Variants in SMOC2 observed in about 807,000 individuals in gnomAD.
SMOC2 encodes the protein SPARC related modular calcium binding 2.
A neutral mutation model predicts 61.4 loss-of-function variants in SMOC2; 39 were observed. The ratio of observed to expected loss-of-function variants is 0.64; its 90% CI spans 0.49 to 0.83. The LOEUF (loss-of-function observed/expected upper bound fraction) is 0.83, where lower values mean the gene tolerates loss of function less well. Ranked by LOEUF, SMOC2 falls within the 40% of genes least tolerant of loss-of-function variation. The pLI is 0.00. For missense variants in SMOC2, 556 were observed against 592.9 expected (o/e 0.94, Z 0.65); for synonymous variants, 247 against 239.9 (o/e 1.03, Z -0.27).
intron 9 of SMOC2, among the ~76,000 whole-genome samples, chr6:168,628,902 G>A (rs1390013900): frequency 5.3e-5 from 8 of 152,236 alleles, no homozygotes; most frequent in South Asian, 2.1e-4. Flanking sequence ...ACCTTGGGCC[G>A]GTCACGGAGG....
chr6:168,574,761 G>A (rs1321601271), intron 7 of SMOC2, among the ~76,000 whole-genome samples: 2 of 152,100 alleles, frequency 1.3e-5, no homozygotes, highest in South Asian at 4.1e-4. Context: ...CCTGAAGACC[G>A]GCACATTCCA....
intron 7 of SMOC2, among the ~76,000 whole-genome samples, chr6:168,552,686 A>G (rs1784154621): frequency 6.6e-6 from 1 of 152,214 alleles, no homozygotes. Flanking sequence ...AAAATAAAAT[A>G]CTTCTCTGAA....
rs756180493 is a variant in SMOC2 at position 168,549,121 on chromosome 6, G to A, written c.563-8G>A. 1 of 1,612,786 alleles carries A rather than the reference G, an allele frequency of 6.2e-7. No individual in the cohort carries two copies. Among genetic ancestry groups the A allele is most frequent in the Non-Finnish European group, 8.5e-7 (1 of 1,178,932 alleles). On this transcript the variant is annotated splice_polypyrimidine_tract_variant and splice_region_variant and intron_variant, in intron 6 of 12. Transcript: ENST00000356284. ...TAAAGATGCTTGTCATTTCATTTTG[G>A]TTCATAGATATTGCATCACGTTACC... is the stretch of plus-strand genomic sequence containing the variant.
chr6:168,444,408 T>C lies in SMOC2; in HGVS notation c.84+2954T>C, dbSNP rs1781287285. On this transcript the variant is annotated intron_variant, in intron 1 of 12. Coordinates refer to ENST00000356284, the MANE Select transcript of SMOC2 (RefSeq NM_001166412.2). ...GCTGGTGTGCTCACCTCTGCTACTT[T>C]ATGTTTAAGATTCAGAGAATCCACT... 2.6e-5 allele frequency among the ~76,000 whole-genome samples: 4 copies of C among 152,212 alleles called. No individual in the cohort carries two copies. The South Asian group carries it at 8.3e-4, about 32-fold the overall frequency.
intron 7 of SMOC2, among the ~76,000 whole-genome samples, chr6:168,551,851 G>T (rs941696279): frequency 6.6e-6 from 1 of 152,216 alleles, no homozygotes; most frequent in Non-Finnish European, 1.5e-5. Flanking sequence ...GCATTTCTGT[G>T]TCTCACCTCT....
At chr6:168,458,278 G>T (rs550299876) in intron 1 of SMOC2, among the ~76,000 whole-genome samples, 1 of 151,956 alleles carries the variant, frequency 6.6e-6, no homozygotes, top group African/African-American at 2.4e-5. Flanking sequence ...CCTGCCCTGG[G>T]GGTCCTGGGA....
rs112170480 is a variant in SMOC2 at position 168,626,243 on chromosome 6, G to A, written c.907+18004G>A. On this transcript the variant is annotated intron_variant, in intron 9 of 12. Transcript: ENST00000356284. The stretch of plus-strand genomic sequence containing the variant: ...ACTCCTCGCACAGACTCAAGTCCGC[G>A]CCCCCGTTTCTGCTCCCTGTGCAGA... Among the ~76,000 whole-genome samples, 133 of 152,286 alleles carry A rather than the reference G, an allele frequency of 8.7e-4. 1 individual carries two copies. Among genetic ancestry groups the A allele is most frequent in the African/African-American group, 1.2e-3 (50 of 41,560 alleles).
chr6:168,664,216 TCCAAGAAA>T, intron 12 of SMOC2, 105 bp downstream of exon 12: 1 of 858,922 alleles, frequency 1.2e-6, no homozygotes, highest in Non-Finnish European at 1.8e-6. Flanking sequence ...TCCAAGAAAA[TCCAAGAAA>T]ATAAATAATT....
chr6:168,543,036 A>G (rs1783907513), intron 4 of SMOC2, among the ~76,000 whole-genome samples: 1 of 152,190 alleles, frequency 6.6e-6, no homozygotes, highest in Admixed American at 6.5e-5. Context: ...AAGAGGGGGA[A>G]GTGGATCCAT....
chr6:168,637,463 T>C (rs1264034394), intron 9 of SMOC2, among the ~76,000 whole-genome samples: 1 of 152,194 alleles, frequency 6.6e-6, no homozygotes, highest in Non-Finnish European at 1.5e-5. Flanking sequence ...GGAATATGCT[T>C]TTCTACTCCT....
chr6:168,537,330 C>T (rs1382772452), intron 4 of SMOC2, among the ~76,000 whole-genome samples: 1 of 152,146 alleles, frequency 6.6e-6, no homozygotes, highest in Non-Finnish European at 1.5e-5. Context: ...TGTCCTAATA[C>T]AGCACTCTGC....
intron 9 of SMOC2, among the ~76,000 whole-genome samples, chr6:168,609,297 G>A (rs1023959898): frequency 6.6e-6 from 1 of 152,134 alleles, no homozygotes; most frequent in Non-Finnish European, 1.5e-5. Context: ...TCCCAGCCGT[G>A]TACCTCCTCA....
chr6:168,648,878 G>A (rs181310224), intron 9 of SMOC2, among the ~76,000 whole-genome samples: 94 of 152,290 alleles, frequency 6.2e-4, no homozygotes, highest in African/African-American at 2.0e-3. Context: ...AGGAAAACCA[G>A]GGCGTCCCTA....
At chr6:168,584,235 G>T (rs1045612891) in intron 7 of SMOC2, among the ~76,000 whole-genome samples, 3 of 152,248 alleles carry the variant, frequency 2.0e-5, no homozygotes, top group African/African-American at 4.8e-5. Flanking sequence ...AAGACCACCT[G>T]TGAGATAGCT....
At chr6:168,478,940 G>A (rs748549454) in intron 1 of SMOC2, among the ~76,000 whole-genome samples, 1 of 151,828 alleles carries the variant, frequency 6.6e-6, no homozygotes, top group African/African-American at 2.4e-5. Context: ...CCCTGTCTCG[G>A]GAAAAGGAGT....
intron 9 of SMOC2, among the ~76,000 whole-genome samples, chr6:168,628,007 T>C (rs553687447): frequency 6.6e-6 from 1 of 152,100 alleles, no homozygotes; most frequent in African/African-American, 2.4e-5. Flanking sequence ...CGTTGAACCC[T>C]GGACTAACGC....
chr6:168,503,784 A>G (rs571216649), intron 1 of SMOC2, among the ~76,000 whole-genome samples: 3 of 152,170 alleles, frequency 2.0e-5, no homozygotes, highest in Admixed American at 2.0e-4. Context: ...GCCCAATGTT[A>G]ATGCCCCCAA....
intron 1 of SMOC2, among the ~76,000 whole-genome samples, chr6:168,460,713 T>A (rs1781702138): frequency 1.3e-5 from 2 of 152,196 alleles, no homozygotes; most frequent in African/African-American, 4.8e-5. Flanking sequence ...CATTTTAACA[T>A]TGAAGTTGAT....
intron 1 of SMOC2, among the ~76,000 whole-genome samples, chr6:168,482,665 G>A (rs1395704711): frequency 1.3e-5 from 2 of 152,008 alleles, no homozygotes; most frequent in African/African-American, 4.8e-5. Context: ...ACAAAATGTA[G>A]CAAACTGAAT....
Sources: gnomAD v4.1 joint callset for allele counts (sites outside exome capture counted in the v4.1 genomes callset) on GRCh38, gnomAD v4.1.1 for gene constraint, MANE v1.5 for transcripts, NCBI Gene and HGNC (gene_info 2026-07-23, HGNC 2026-07-21) for gene names.